The following EGFR variants were observed in gnomAD, a reference collection of about 807,000 sequenced individuals.
EGFR encodes the protein epidermal growth factor receptor.
In EGFR, 58 loss-of-function variants were observed where a neutral mutation model predicts 143.0. That is an observed-to-expected ratio of 0.41 (90% CI 0.33 to 0.50). The LOEUF is 0.50. EGFR is among the 20% of genes least tolerant of loss of function. The probability of loss-of-function intolerance (pLI) is 0.39; values close to 1 mark genes in which losing one functional copy is unlikely to be tolerated. For synonymous variants in EGFR, 613 were observed against 594.4 expected (o/e 1.03, Z -0.45); for missense variants, 1,307 against 1,579.0 (o/e 0.83, Z 2.92).
chr7:55,142,260 A>T lies in EGFR; in HGVS notation c.89-26A>T, dbSNP rs754686179. Reference sequence around the variant, plus strand: ...GTTTTTCTGCATTTCTCAGTATTTCATGTGATATCTGTCTTTTTCTTCCAG... The same window carrying T: ...GTTTTTCTGCATTTCTCAGTATTTCTTGTGATATCTGTCTTTTTCTTCCAG... On this transcript the variant is annotated intron_variant, in intron 1 of 27. Coordinates refer to ENST00000275493, the MANE Select transcript of EGFR (RefSeq NM_005228.5). 3 of 1,614,102 alleles carry T rather than the reference A, an allele frequency of 1.9e-6. No individual in the cohort carries two copies. In the East Asian group the frequency reaches 6.7e-5, roughly 36 times the overall value.
chr7:55,125,122 C>G (rs1194993092), intron 1 of EGFR, among the ~76,000 whole-genome samples: 1 of 152,212 alleles, frequency 6.6e-6, no homozygotes, highest in Non-Finnish European at 1.5e-5. Flanking sequence ...ATGACACTCT[C>G]AGTGGTGGGA....
chr7:55,157,334 G>A (rs1172245315), intron 10 of EGFR, among the ~76,000 whole-genome samples: 9 of 152,238 alleles, frequency 5.9e-5, no homozygotes, highest in Non-Finnish European at 1.2e-4. Flanking sequence ...TGTGATACCA[G>A]ATCCACAATT....
intron 20 of EGFR, among the ~76,000 whole-genome samples, chr7:55,188,140 G>A (rs1787224579): frequency 1.3e-5 from 2 of 152,184 alleles, no homozygotes; most frequent in Admixed American, 1.3e-4. Context: ...CTGAACAACA[G>A]CAACAACAGA....
chr7:55,076,996 T>C (rs1024777797), intron 1 of EGFR, among the ~76,000 whole-genome samples: 4 of 151,812 alleles, frequency 2.6e-5, no homozygotes, highest in African/African-American at 9.7e-5. Context: ...AGTCATAAGA[T>C]ACACAAAGGC....
At chr7:55,116,743 A>C (rs2128910982) in intron 1 of EGFR, among the ~76,000 whole-genome samples, 1 of 152,352 alleles carries the variant, frequency 6.6e-6, no homozygotes, top group South Asian at 2.1e-4. Flanking sequence ...TTTTGCTTAC[A>C]TAGAATCCTC....
chr7:55,044,165 C>T (rs1788059928), intron 1 of EGFR: 1 of 152,154 alleles, frequency 6.6e-6, no homozygotes, highest in Non-Finnish European at 1.5e-5. Flanking sequence ...GCAAGGATGC[C>T]ATTAGGTAAA....
intron 11 of EGFR, 103 bp from the exon 12 acceptor site, chr7:55,160,036 A>G (rs928688129): frequency 5.1e-5 from 63 of 1,227,210 alleles, no homozygotes; most frequent in Admixed American, 1.5e-4. Context: ...ATCATTGGAA[A>G]GCAGTTTGTA....
chr7:55,042,832 G>C (rs1420495029), intron 1 of EGFR, among the ~76,000 whole-genome samples: 1 of 152,138 alleles, frequency 6.6e-6, no homozygotes, highest in Non-Finnish European at 1.5e-5. Context: ...TGCTTTCTCA[G>C]TTTACCTCTG....
At chr7:55,192,731 A>T (rs990999993) in intron 21 of EGFR, 35 bp from the exon 22 acceptor site, 3 of 1,588,810 alleles carry the variant, frequency 1.9e-6, no homozygotes, top group Admixed American at 1.7e-5. Context: ...GGAAACTAAT[A>T]GTTGTCTCAC....
chr7:55,160,294 G>C lies in EGFR; in HGVS notation c.1454G>C (p.Gly485Ala), dbSNP rs982033612. Residue 485 changes from glycine (G) to alanine (A), a missense_variant, in exon 12 of 28, where the codon GGT becomes GCT. Gly to Ala is a moderately conservative substitution (Grantham distance 60, BLOSUM62 0). Around this residue, in one of 7 missense-constraint regions of EGFR, gnomAD observed 250 missense variants for 295.1 expected, o/e 0.85. Transcript: ENST00000275493. The part of the protein sequence containing the change: ...INWKKLFGTS[G>A]QKTKIISNRG... Reference sequence around the variant, plus strand: ...TGGAAAAAACTGTTTGGGACCTCCGGTCAGAAAACCAAAATTATAAGCAAC... The same window carrying C: ...TGGAAAAAACTGTTTGGGACCTCCGCTCAGAAAACCAAAATTATAAGCAAC... 3.1e-6 allele frequency: 5 copies of C among 1,613,780 alleles called. No individual in the cohort carries two copies. In the African/African-American group the frequency reaches 6.7e-5, roughly 22 times the overall value.
At chr7:55,139,733 C>T (rs775119895) in intron 1 of EGFR, among the ~76,000 whole-genome samples, 4 of 152,172 alleles carry the variant, frequency 2.6e-5, no homozygotes, top group African/African-American at 7.2e-5. Flanking sequence ...TAATGAGCAA[C>T]ATTCTGCATA....
chr7:55,161,537 G>C lies in EGFR; in HGVS notation c.1537G>C (p.Glu513Gln), dbSNP rs754646330. ...GGTCTGCCATGCCTTGTGCTCCCCC[G>C]AGGGCTGCTGGGGCCCGGAGCCCAG... ...GQVCHALCSP[E>Q]GCWGPEPRDC... The change falls in exon 13 of 28, where the codon GAG (glutamate) becomes CAG (glutamine). Residue 513 changes from glutamate to glutamine, a missense_variant. Around this residue, in one of 7 missense-constraint regions of EGFR, gnomAD observed 250 missense variants for 295.1 expected, o/e 0.85. Transcript: ENST00000275493. 2 of 1,614,248 alleles carry C rather than the reference G, an allele frequency of 1.2e-6. No individual in the cohort carries two copies. Among genetic ancestry groups the C allele is most frequent in the Non-Finnish European group, 8.5e-7 (1 of 1,180,050 alleles).
chr7:55,090,248 A>G (rs1562704908), intron 1 of EGFR, among the ~76,000 whole-genome samples: 2 of 152,086 alleles, frequency 1.3e-5, no homozygotes, highest in Non-Finnish European at 2.9e-5. Context: ...TGTTTTCAGG[A>G]GCTGTACGTG....
intron 1 of EGFR, among the ~76,000 whole-genome samples, chr7:55,134,183 A>T (rs1794007086): frequency 6.6e-6 from 1 of 151,446 alleles, no homozygotes; most frequent in African/African-American, 2.4e-5. Flanking sequence ...AGGACTCAGA[A>T]CTCAGCGAGG....
chr7:55,151,455 C>G, intron 5 of EGFR, 93 bp downstream of exon 5: 4 of 1,347,394 alleles, frequency 3.0e-6, no homozygotes, highest in Non-Finnish European at 4.2e-6. Flanking sequence ...TCTGAAGACT[C>G]CAAAGAGTTA....
intron 1 of EGFR, among the ~76,000 whole-genome samples, chr7:55,133,091 C>A (rs1285610000): frequency 6.6e-6 from 1 of 152,184 alleles, no homozygotes; most frequent in Non-Finnish European, 1.5e-5. Context: ...CGGGCCTGAA[C>A]TGAATAGAAG....
rs1420841957 is a variant in EGFR, at chr7:55,201,275, G to C, written c.3034G>C (p.Asp1012His). 9.9e-6 allele frequency: 16 copies of C among 1,614,016 alleles called. No homozygotes were observed. The highest frequency in any genetic ancestry group is 1.4e-5 in the Non-Finnish European group (16 of 1,180,036). The part of the protein sequence containing the change: ...MDEEDMDDVV[D>H]ADEYLIPQQG... ...TGAAGAAGACATGGACGACGTGGTG[G>C]ATGCCGACGAGTACCTCATCCCACA... The change falls in exon 25 of 28, where the codon GAT becomes CAT. Residue 1012 changes from aspartate (D) to histidine (H), a missense_variant. Asp to His is a moderately conservative substitution (Grantham distance 81). Transcript: ENST00000275493.
At chr7:55,196,534 T>C (rs1562802038) in intron 22 of EGFR, among the ~76,000 whole-genome samples, 1 of 152,168 alleles carries the variant, frequency 6.6e-6, no homozygotes. Flanking sequence ...TTAGATCCCA[T>C]TTGTCAATTT....
chr7:55,121,519 C>T (rs748966414), intron 1 of EGFR, among the ~76,000 whole-genome samples: 2 of 152,208 alleles, frequency 1.3e-5, no homozygotes, highest in Non-Finnish European at 1.5e-5. Context: ...GTCATTTGTC[C>T]TAGTAGCCAG....
Sources: allele counts gnomAD v4.1 joint callset (sites outside exome capture counted in the v4.1 genomes callset), GRCh38; gene constraint gnomAD v4.1.1; regional missense constraint gnomAD v4.1.1; transcripts MANE v1.5; gene names NCBI Gene and HGNC (gene_info 2026-07-23, HGNC 2026-07-21).